The following CBR4 variants were observed in gnomAD, a reference collection of about 807,000 sequenced individuals.
CBR4 encodes the protein carbonyl reductase 4.
CBR4 carries 22 observed loss-of-function variants against 21.0 expected under a neutral mutation model. The ratio of observed to expected loss-of-function variants is 1.05; its 90% CI spans 0.75 to 1.50. The LOEUF is 1.50. CBR4 is among the 40% of genes most tolerant of loss of function. The probability of loss-of-function intolerance (pLI) is 0.00; values close to 1 mark genes in which losing one functional copy is unlikely to be tolerated. For synonymous variants in CBR4, 100 were observed against 104.4 expected (o/e 0.96, Z 0.26); for missense variants, 302 against 286.3 (o/e 1.05, Z -0.40).
intron 2 of CBR4, among the ~76,000 whole-genome samples, chr4:168,897,085 C>T (rs571307883): frequency 1.3e-5 from 2 of 152,342 alleles, no homozygotes; most frequent in South Asian, 2.1e-4. Context: ...CCCGCCTTGG[C>T]TTCCCAAAGC....
At chr4:168,926,126 C>A in intron 2 of CBR4, 2 of 1,132,210 alleles carry the variant, frequency 1.8e-6, no homozygotes, top group Non-Finnish European at 1.2e-6. Context: ...TTGCATCTAT[C>A]TAGACATTCT....
At chr4:168,949,056 A>G (rs544412489) in intron 2 of CBR4, among the ~76,000 whole-genome samples, 1 of 152,204 alleles carries the variant, frequency 6.6e-6, no homozygotes, top group South Asian at 2.1e-4. Flanking sequence ...AGTGTTTTGT[A>G]GTTTTCCTTG....
chr4:168,916,219 C>T (rs1760056981), intron 2 of CBR4, among the ~76,000 whole-genome samples: 1 of 152,162 alleles, frequency 6.6e-6, no homozygotes, highest in Non-Finnish European at 1.5e-5. Flanking sequence ...TCAAGACCAG[C>T]CTGGGTAATA....
At chr4:168,980,691 A>G (rs555080605) in intron 2 of CBR4, among the ~76,000 whole-genome samples, 6 of 152,320 alleles carry the variant, frequency 3.9e-5, no homozygotes, top group Non-Finnish European at 8.8e-5. Flanking sequence ...AACTGAGATC[A>G]TGCCACCACA....
chr4:168,926,556 A>G (rs1279955405), intron 2 of CBR4: 1 of 560,830 alleles, frequency 1.8e-6, no homozygotes. Context: ...GTTTAAGTAG[A>G]TAATGCTAAT....
Position 168,989,834 on chromosome 4 carries a change from A to G in CBR4, c.*316T>C. Reference sequence around the variant, plus strand: ...TAGAAAACACAATTTGTCTGGGGGGATGATTGCACATGTATTTAAATATGT... The same window carrying G: ...TAGAAAACACAATTTGTCTGGGGGGGTGATTGCACATGTATTTAAATATGT... On this transcript the variant is annotated 3_prime_UTR_variant, in exon 5 of 5. Coordinates refer to ENST00000306193, the MANE Select transcript of CBR4 (RefSeq NM_032783.5). 2 of 1,017,410 alleles carry G rather than the reference A, an allele frequency of 2.0e-6. No homozygotes were observed. Among genetic ancestry groups the G allele is most frequent in the Non-Finnish European group, 2.4e-6 (2 of 850,900 alleles). The allele number at this position is 1,017,410 out of a possible 1,614,324, so 63.0% of individuals were successfully genotyped here.
chr4:168,992,928 G>A (rs1249202363), intron 4 of CBR4, among the ~76,000 whole-genome samples: 1 of 152,100 alleles, frequency 6.6e-6, no homozygotes, highest in Non-Finnish European at 1.5e-5. Context: ...AGTCTTCTCT[G>A]CCATAACATC....
chr4:169,007,381 C>T (rs1730994152), intron 2 of CBR4, among the ~76,000 whole-genome samples: 1 of 152,134 alleles, frequency 6.6e-6, no homozygotes, highest in Admixed American at 6.5e-5. Flanking sequence ...GAAGACACTA[C>T]CTTCTGGAGC....
intron 2 of CBR4, among the ~76,000 whole-genome samples, chr4:168,942,255 G>A (rs959123600): frequency 2.0e-5 from 3 of 151,822 alleles, no homozygotes; most frequent in Non-Finnish European, 4.4e-5. Context: ...CAAGGGGAGG[G>A]AGAGCATTAG....
chr4:168,905,790 C>CTTTTTTT lies in CBR4; in HGVS notation n.170-11032_170-11026dup, dbSNP rs59427697. On this transcript the variant is annotated intron_variant and non_coding_transcript_variant, in intron 2 of 3. Coordinates refer to the CBR4 transcript ENST00000509108. ...ACAAAAGCGGAACTTGCTTTTTTTT[C>CTTTTTTT]TTTTTTTTTTTTTTTTTTTTCTTTT... is the stretch of plus-strand genomic sequence containing the variant. Among the ~76,000 whole-genome samples, 782 of 113,062 alleles carry CTTTTTTT rather than the reference C, an allele frequency of 6.9e-3. 2 individuals are homozygous for CTTTTTTT. The highest frequency in any genetic ancestry group is 0.011 in the Middle Eastern group (2 of 182). The allele number at this position is 113,062 out of a possible 152,430, so 74.2% of individuals were successfully genotyped here. A position where few individuals can be genotyped will look rare whatever the true frequency, so the allele number is the denominator to read the frequency against.
intron 2 of CBR4, chr4:168,925,303 T>C: frequency 6.4e-7 from 1 of 1,557,678 alleles, no homozygotes; most frequent in Non-Finnish European, 8.9e-7. Flanking sequence ...CTTTGAATTA[T>C]TAGCAAAATA....
At chr4:168,972,958 C>G (rs1407760938) in intron 2 of CBR4, among the ~76,000 whole-genome samples, 1 of 152,180 alleles carries the variant, frequency 6.6e-6, no homozygotes, top group East Asian at 1.9e-4. Context: ...CCTTCTGTAC[C>G]GATTTTGCTG....
At chr4:169,005,568 C>T (rs754696717) in intron 3 of CBR4, among the ~76,000 whole-genome samples, 4 of 151,886 alleles carry the variant, frequency 2.6e-5, no homozygotes, top group Non-Finnish European at 4.4e-5. Context: ...TTTAAATACA[C>T]CTAAAAAAAA....
At position 169,007,618 on chromosome 4, in the gene CBR4, T is replaced by C. The variant is rs1412763194; in HGVS notation, c.263+18A>G. On this transcript the variant is annotated intron_variant, in intron 2 of 4. Transcript: ENST00000306193. ...TTTAAATATATATATAAGAAACTTA[T>C]TTAAATCTGTGACCAACCTGTTAAT... 2 of 1,492,506 alleles carry C rather than the reference T, an allele frequency of 1.3e-6. No homozygotes were observed. Among genetic ancestry groups the C allele is most frequent in the Non-Finnish European group, 1.8e-6 (2 of 1,120,024 alleles). The allele number at this position is 1,492,506 out of a possible 1,614,324, so 92.5% of individuals were successfully genotyped here.
At chr4:168,943,840 G>GT (rs1408788569) in intron 2 of CBR4, among the ~76,000 whole-genome samples, 9 of 152,126 alleles carry the variant, frequency 5.9e-5, no homozygotes, top group African/African-American at 2.2e-4. Flanking sequence ...AACCCGAGAG[G>GT]TGGGGGCTGC....
intron 2 of CBR4, among the ~76,000 whole-genome samples, chr4:168,977,256 T>C (rs527523058): frequency 6.6e-6 from 1 of 152,332 alleles, no homozygotes; most frequent in South Asian, 2.1e-4. Context: ...ACCAATGATT[T>C]TCTTGTTAGC....
At chr4:168,904,493 G>A (rs138892523) in intron 2 of CBR4, among the ~76,000 whole-genome samples, 9 of 152,198 alleles carry the variant, frequency 5.9e-5, no homozygotes, top group African/African-American at 1.9e-4. Context: ...GGAGGCTGCT[G>A]GGTATCATGT....
At chr4:169,003,884 G>C (rs1201231899) in intron 3 of CBR4, among the ~76,000 whole-genome samples, 1 of 152,032 alleles carries the variant, frequency 6.6e-6, no homozygotes, top group African/African-American at 2.4e-5. Context: ...TCATAGGTGG[G>C]AACTGAACAA....
At chr4:168,944,135 G>A (rs1763335770) in intron 2 of CBR4, among the ~76,000 whole-genome samples, 1 of 151,796 alleles carries the variant, frequency 6.6e-6, no homozygotes, top group African/African-American at 2.4e-5. Flanking sequence ...CTATTTTTAT[G>A]AGTTCACTCA....
Sources: gnomAD v4.1 joint callset for allele counts (sites outside exome capture counted in the v4.1 genomes callset) on GRCh38, gnomAD v4.1.1 for gene constraint, MANE v1.5 for transcripts, NCBI Gene and HGNC (gene_info 2026-07-23, HGNC 2026-07-21) for gene names.